SUDS3: variants seen among roughly 807,000 people sequenced by gnomAD.
SUDS3 encodes SIN3A corepressor complex component SDS3.
In SUDS3, 23 loss-of-function variants were observed where a neutral mutation model predicts 53.5. The ratio of observed to expected loss-of-function variants is 0.43; its 90% CI spans 0.31 to 0.61. SUDS3 has a LOEUF of 0.61. SUDS3 is among the 20% of genes least tolerant of loss of function. The probability of loss-of-function intolerance (pLI) is 0.10; values close to 1 mark genes in which losing one functional copy is unlikely to be tolerated. For synonymous variants in SUDS3, 150 were observed against 148.5 expected (o/e 1.01, Z -0.08); for missense variants, 291 against 405.9 (o/e 0.72, Z 2.43).
At position 118,390,977 on chromosome 12, in the gene SUDS3, A is replaced by T. The variant is rs1406046510; in HGVS notation, c.361-149A>T. The T allele has an allele frequency of 3.3e-6, 3 of 904,236 alleles. No individual in the cohort carries two copies. In the Admixed American group the frequency reaches 5.8e-5, roughly 17 times the overall value. 56.0% of individuals were successfully genotyped at this position (904,236 alleles called of 1,614,324 possible). On this transcript the variant is annotated intron_variant, in intron 5 of 11. Transcript: ENST00000543473. ...GGGTCTGATTTTATACCCTCGCTGG[A>T]AAGCTTGTTCTCAGACACACTGTTA...
At chr12:118,408,574 T>C (rs1240905291) in intron 10 of SUDS3, among the ~76,000 whole-genome samples, 1 of 152,084 alleles carries the variant, frequency 6.6e-6, no homozygotes, top group East Asian at 1.9e-4. Context: ...CCTCAAGTGA[T>C]CCACCCACCT....
intron 1 of SUDS3, 37 bp from the exon 2 acceptor site, chr12:118,380,125 T>C (rs747361603): frequency 3.9e-6 from 6 of 1,557,534 alleles, no homozygotes; most frequent in Middle Eastern, 3.3e-4. Flanking sequence ...CCGTGAATTA[T>C]GATTTTAACT....
chr12:118,399,976 C>T (rs1432623777), intron 6 of SUDS3, among the ~76,000 whole-genome samples: 1 of 151,860 alleles, frequency 6.6e-6, no homozygotes, highest in Non-Finnish European at 1.5e-5. Flanking sequence ...ACAAGCGAAC[C>T]CCGAGGAGGC....
chr12:118,383,367 C>G (rs1050096751), intron 2 of SUDS3, among the ~76,000 whole-genome samples: 1 of 152,230 alleles, frequency 6.6e-6, no homozygotes, highest in Admixed American at 6.5e-5. Flanking sequence ...GAAGTTATGA[C>G]TGCCTATAAT....
In SUDS3 at chr12:118,417,716, G is replaced by T. The variant is rs1480442281; in HGVS notation, c.*3283G>T. On this transcript the variant is annotated 3_prime_UTR_variant, in exon 12 of 12. Transcript: ENST00000543473. The stretch of plus-strand genomic sequence containing the variant: ...TTAAAGAAAACAATAAACTTTCAAA[G>T]AGAAAACCAGCATGAAGTCTGTATT... The T allele has an allele frequency of 6.7e-6, 1 of 149,752 alleles. No homozygotes were observed. Among genetic ancestry groups the T allele is most frequent in the Admixed American group, 6.7e-5 (1 of 15,028 alleles). The allele number at this position is 149,752 out of a possible 1,614,324, so 9.3% of individuals were successfully genotyped here. A position where few individuals can be genotyped will look rare whatever the true frequency, so the allele number is the denominator to read the frequency against.
intron 6 of SUDS3, among the ~76,000 whole-genome samples, chr12:118,393,679 A>AT (rs1241485172): frequency 2.4e-4 from 35 of 147,090 alleles, no homozygotes; most frequent in African/African-American, 7.3e-4. Context: ...TTTAAATTTA[A>AT]TTTTTTTTTG....
intron 6 of SUDS3, among the ~76,000 whole-genome samples, chr12:118,393,447 G>A (rs1433347437): frequency 6.6e-6 from 1 of 152,130 alleles, no homozygotes; most frequent in Non-Finnish European, 1.5e-5. Flanking sequence ...ACCTCCATAG[G>A]AATTGGCAGG....
rs1026004160 is a variant in SUDS3, at chr12:118,415,348, C to T, written c.*915C>T. ...TCAGTGATCTATAGACCCTCATGCA[C>T]GATTCAAGTTTCACTCTTGTGGCTG... On this transcript the variant is annotated 3_prime_UTR_variant, in exon 12 of 12. Transcript: ENST00000543473. The T allele has an allele frequency of 2.6e-5, 4 of 152,060 alleles. No homozygotes were observed. The highest frequency in any genetic ancestry group is 6.5e-5 in the Admixed American group (1 of 15,272). 9.4% of individuals were successfully genotyped at this position (152,060 alleles called of 1,614,324 possible). A position where few individuals can be genotyped will look rare whatever the true frequency, so the allele number is the denominator to read the frequency against.
chr12:118,383,873 G>A, intron 2 of SUDS3, 139 bp from the exon 3 acceptor site: 1 of 688,886 alleles, frequency 1.5e-6, no homozygotes, highest in Non-Finnish European at 2.4e-6. Context: ...AAGCCAGCAA[G>A]CAGACTTTAC....
chr12:118,384,147 T>C, intron 3 of SUDS3, 80 bp downstream of exon 3: 1 of 1,407,496 alleles, frequency 7.1e-7, no homozygotes, highest in Non-Finnish European at 9.9e-7. Context: ...ATTTCACTTC[T>C]CTGTGGGAGT....
intron 10 of SUDS3, among the ~76,000 whole-genome samples, chr12:118,408,824 GT>G (rs2046332302): frequency 6.6e-6 from 1 of 152,068 alleles, no homozygotes; most frequent in Admixed American, 6.5e-5. Flanking sequence ...GTTGCATTTT[GT>G]TTTGTGTCTT....
rs1014473502 is a variant in SUDS3, at chr12:118,384,020, A to G, written c.221A>G (p.Gln74Arg). ...CTTTTTTTTTTTTATAGGATGTATC[A>G]GGACAAACTGGCTTCTCTCAAGAGG... ...DYVEMKEQMYQDKLASLKRQL... is the reference protein window; with the variant it reads ...DYVEMKEQMYRDKLASLKRQL... Residue 74 changes from glutamine (Q) to arginine (R), a missense_variant, in exon 3 of 12, where the codon CAG becomes CGG. Gln to Arg is a conservative substitution (Grantham distance 43). Coordinates refer to ENST00000543473, the MANE Select transcript of SUDS3 (RefSeq NM_022491.3). 1 of 1,612,968 alleles carries G rather than the reference A, an allele frequency of 6.2e-7. No individual in the cohort carries two copies. The highest frequency in any genetic ancestry group is 1.1e-5 in the South Asian group (1 of 90,978).
chr12:118,378,043 T>A (rs1224887988), intron 1 of SUDS3, among the ~76,000 whole-genome samples: 4 of 152,174 alleles, frequency 2.6e-5, no homozygotes, highest in Admixed American at 2.6e-4. Flanking sequence ...TAACCAGAGA[T>A]TTTGAATGTG....
chr12:118,414,224 AGG>A, intron 11 of SUDS3, 109 bp from the exon 12 acceptor site: 1 of 775,864 alleles, frequency 1.3e-6, no homozygotes, highest in Non-Finnish European at 2.0e-6. Flanking sequence ...TTCCAGCAAG[AGG>A]CTACCAGCCT....
chr12:118,376,779 C>A lies in SUDS3; in HGVS notation c.88C>A (p.Leu30Met). The A allele has an allele frequency of 6.4e-7, 1 of 1,553,636 alleles. No individual in the cohort carries two copies. The highest frequency in any genetic ancestry group is 8.7e-7 in the Non-Finnish European group (1 of 1,155,336). ...PEYYPEEDEE[L>M]ESAEDDERSC... Reference sequence around the variant, plus strand: ...GTACTACCCCGAGGAGGATGAAGAGCTGGAGAGCGCCGAGGACGACGAGCG... The same window carrying A: ...GTACTACCCCGAGGAGGATGAAGAGATGGAGAGCGCCGAGGACGACGAGCG... Residue 30 changes from leucine to methionine, a missense_variant, in exon 1 of 12, where the codon CTG becomes ATG. This residue lies in a region of SUDS3 where 149 missense variants were observed against 146.5 expected (regional missense o/e 1.02). Coordinates refer to ENST00000543473, the MANE Select transcript of SUDS3 (RefSeq NM_022491.3).
intron 10 of SUDS3, chr12:118,404,109 C>T (rs1485202131): frequency 1.3e-5 from 2 of 152,062 alleles, no homozygotes; most frequent in Non-Finnish European, 2.9e-5. Flanking sequence ...TAAAACATTC[C>T]TAGTTTGTTT....
At chr12:118,414,258 C>G in intron 11 of SUDS3, 77 bp from the exon 12 acceptor site, 1 of 1,063,394 alleles carries the variant, frequency 9.4e-7, no homozygotes, top group Non-Finnish European at 1.4e-6. Flanking sequence ...CTCACTCGTG[C>G]AGATATTTTG....
At chr12:118,384,097 A>G (rs1468775962) in intron 3 of SUDS3, 30 bp downstream of exon 3, 8 of 1,605,782 alleles carry the variant, frequency 5.0e-6, no homozygotes, top group Admixed American at 1.7e-5. Flanking sequence ...CTGCATTTCT[A>G]AATATGCTTC....
At chr12:118,414,289 T>G in intron 11 of SUDS3, 46 bp from the exon 12 acceptor site, 3 of 1,411,424 alleles carry the variant, frequency 2.1e-6, no homozygotes, top group Admixed American at 2.0e-5. Context: ...AGATTTGCTC[T>G]TCTGTATTTA....
Sources: allele counts gnomAD v4.1 joint callset (sites outside exome capture counted in the v4.1 genomes callset), GRCh38; gene constraint gnomAD v4.1.1; regional missense constraint gnomAD v4.1.1; transcripts MANE v1.5; gene names NCBI Gene and HGNC (gene_info 2026-07-23, HGNC 2026-07-21).